SPATA9: variants seen among roughly 807,000 people sequenced by gnomAD.
SPATA9 encodes the protein spermatogenesis-associated protein 9.
A neutral mutation model predicts 25.5 loss-of-function variants in SPATA9; 27 were observed. The ratio of observed to expected loss-of-function variants is 1.06; its 90% CI spans 0.78 to 1.46. SPATA9 has a LOEUF of 1.46. Ranked by LOEUF, SPATA9 falls within the 40% of genes most tolerant of loss-of-function variation. SPATA9 has a pLI of 0.00. For synonymous variants in SPATA9, 102 were observed against 105.7 expected (o/e 0.97, Z 0.21); for missense variants, 282 against 297.5 (o/e 0.95, Z 0.38).
At chr5:95,693,003 C>T (rs796732299) in intron 1 of SPATA9, among the ~76,000 whole-genome samples, 3 of 152,240 alleles carry the variant, frequency 2.0e-5, no homozygotes, top group African/African-American at 4.8e-5. Flanking sequence ...AAATATATTA[C>T]TGAAAAAGAA....
At chr5:95,708,322 G>T in the SPATA9 span, among the ~76,000 whole-genome samples, 4 of 151,528 alleles carry the variant, frequency 2.6e-5, 1 homozygote, top group South Asian at 8.3e-4. Flanking sequence ...TTTTTTTTTT[G>T]GATGGTGAAC....
chr5:95,687,825 G>T (rs1387571478), upstream of SPATA9, among the ~76,000 whole-genome samples: 2 of 152,174 alleles, frequency 1.3e-5, no homozygotes, highest in Non-Finnish European at 2.9e-5. Flanking sequence ...CAGATTATAA[G>T]TTCCCTGAGT....
chr5:95,720,437 T>C, the SPATA9 span, among the ~76,000 whole-genome samples: 1 of 152,244 alleles, frequency 6.6e-6, no homozygotes, highest in Non-Finnish European at 1.5e-5. Flanking sequence ...TATTAGATCA[T>C]AGTGAGTTAA....
At chr5:95,656,289 G>A, downstream of SPATA9, 1 of 1,609,502 alleles carries the variant, frequency 6.2e-7, no homozygotes, top group African/African-American at 1.3e-5. Flanking sequence ...AGACTTCAAA[G>A]TAATTAAGAG....
At chr5:95,685,205 C>T (rs141399231), upstream of SPATA9, among the ~76,000 whole-genome samples, 81 of 152,348 alleles carry the variant, frequency 5.3e-4, no homozygotes, top group Non-Finnish European at 7.6e-4. Context: ...TAAATATGCA[C>T]TGACCTTTTG....
intron 1 of SPATA9, among the ~76,000 whole-genome samples, chr5:95,694,822 C>T (rs1753974789): frequency 6.6e-6 from 1 of 152,168 alleles, no homozygotes; most frequent in Non-Finnish European, 1.5e-5. Flanking sequence ...GCTCTCTGCC[C>T]TCCCCTTTCT....
the SPATA9 span, among the ~76,000 whole-genome samples, chr5:95,706,964 A>G: frequency 6.6e-6 from 1 of 152,204 alleles, no homozygotes; most frequent in Non-Finnish European, 1.5e-5. Flanking sequence ...TTACTTGTAT[A>G]ACATAACAGG....
upstream of SPATA9, among the ~76,000 whole-genome samples, chr5:95,683,815 A>G (rs40098): frequency 0.6 from 91,235 of 151,982 alleles, 28,062 homozygotes; most frequent in African/African-American, 0.73. Context: ...GGGATTACAG[A>G]TGTGAGCCAC....
the SPATA9 span, among the ~76,000 whole-genome samples, chr5:95,730,365 T>C: frequency 3.3e-5 from 5 of 152,362 alleles, no homozygotes; most frequent in African/African-American, 1.2e-4. Context: ...AGAATTTTAA[T>C]ACTGTATGGA....
chr5:95,715,288 C>T, the SPATA9 span, among the ~76,000 whole-genome samples: 16 of 149,348 alleles, frequency 1.1e-4, no homozygotes, highest in African/African-American at 3.7e-4. Flanking sequence ...CATGCCACTG[C>T]ACTCCAGCCT....
At chr5:95,713,120 G>A in the SPATA9 span, among the ~76,000 whole-genome samples, 1 of 152,102 alleles carries the variant, frequency 6.6e-6, no homozygotes, top group African/African-American at 2.4e-5. Context: ...TGGTTTTCCT[G>A]TTGATTCTCC....
chr5:95,664,784 T>C (rs1751598512), intron 3 of SPATA9, among the ~76,000 whole-genome samples: 1 of 152,196 alleles, frequency 6.6e-6, no homozygotes, highest in South Asian at 2.1e-4. Flanking sequence ...CAGGCTCCTC[T>C]GAAGTAAGAG....
At chr5:95,652,867 C>T, downstream of SPATA9, 1 of 445,660 alleles carries the variant, frequency 2.2e-6, no homozygotes, top group Non-Finnish European at 3.8e-6. Context: ...TTCTGGGCAT[C>T]CATTGTTGTT....
intron 2 of SPATA9, among the ~76,000 whole-genome samples, chr5:95,676,419 ATTC>A (rs1336368367): frequency 6.6e-6 from 1 of 152,198 alleles, no homozygotes; most frequent in East Asian, 1.9e-4. Flanking sequence ...GTAAACAAGA[ATTC>A]TTCTTAACTG....
In SPATA9 at chr5:95,695,484, GCTACTTGGGAGGT is replaced by G. The variant is rs566871016; in HGVS notation, n.124+3091_124+3103del. ...GTGGTGGCACGCACCTGCACTCCCA[GCTACTTGGGAGGT>G]TGAGGCAGGAGAATCGCTTGGACCC... On this transcript the variant is annotated intron_variant and non_coding_transcript_variant, in intron 1 of 2. Transcript: ENST00000379990. 8.6e-3 allele frequency among the ~76,000 whole-genome samples: 1,312 copies of G among 152,246 alleles called. 13 individuals carry two copies. The highest frequency in any genetic ancestry group is 0.013 in the Non-Finnish European group (900 of 68,018).
intron 3 of SPATA9, among the ~76,000 whole-genome samples, chr5:95,673,160 C>T (rs1435148072): frequency 6.6e-6 from 1 of 152,082 alleles, no homozygotes; most frequent in African/African-American, 2.4e-5. Flanking sequence ...GGGAGATGTG[C>T]CAGTGTCCCT....
chr5:95,713,462 C>G, the SPATA9 span: 3 of 151,960 alleles, frequency 2.0e-5, no homozygotes, highest in Admixed American at 1.3e-4. Flanking sequence ...GCACCTCCCC[C>G]TTCCCTCCCT....
chr5:95,700,107 G>GT (rs1645624866), upstream of SPATA9, among the ~76,000 whole-genome samples: 1 of 151,568 alleles, frequency 6.6e-6, no homozygotes, highest in African/African-American at 2.4e-5. Flanking sequence ...TGATCAAAGG[G>GT]GTGAAAGCTA....
the SPATA9 span, among the ~76,000 whole-genome samples, chr5:95,715,505 C>G: frequency 5.3e-5 from 8 of 152,104 alleles, no homozygotes; most frequent in African/African-American, 1.9e-4. Flanking sequence ...AAACTCTTTT[C>G]AAAAAATGAA....
Sources: gnomAD v4.1 joint callset for allele counts (sites outside exome capture counted in the v4.1 genomes callset) on GRCh38, gnomAD v4.1.1 for gene constraint, MANE v1.5 for transcripts, NCBI Gene and HGNC (gene_info 2026-07-23, HGNC 2026-07-21) for gene names.